The following PRKN variants were observed in gnomAD, a reference collection of about 807,000 sequenced individuals.
PRKN encodes parkin RBR E3 ubiquitin protein ligase, also known as E3 ubiquitin-protein ligase parkin.
PRKN carries 56 observed loss-of-function variants against 59.5 expected under a neutral mutation model. That is an observed-to-expected ratio of 0.94 (90% CI 0.76 to 1.18). The LOEUF (loss-of-function observed/expected upper bound fraction) is 1.18. Among genes scored for constraint, PRKN ranks in the 50% most tolerant of loss-of-function variants. PRKN has a pLI of 0.00. For synonymous variants in PRKN, 250 were observed against 222.1 expected (o/e 1.13, Z -1.12); for missense variants, 657 against 596.4 (o/e 1.10, Z -1.06).
intron 6 of PRKN, among the ~76,000 whole-genome samples, chr6:161,915,436 G>C (rs1164756675): frequency 1.3e-5 from 2 of 152,038 alleles, no homozygotes; most frequent in Admixed American, 1.3e-4. Flanking sequence ...CACTTACTTT[G>C]ATACATTTTT....
intron 2 of PRKN, among the ~76,000 whole-genome samples, chr6:162,267,020 A>G (rs534316113): frequency 6.6e-6 from 1 of 152,328 alleles, no homozygotes; most frequent in African/African-American, 2.4e-5. Context: ...ATATAGCCAG[A>G]TGCCATGAAA....
chr6:162,409,349 G>T (rs1788235575), intron 2 of PRKN, among the ~76,000 whole-genome samples: 1 of 151,714 alleles, frequency 6.6e-6, no homozygotes, highest in Non-Finnish European at 1.5e-5. Flanking sequence ...TTGAGAGGGG[G>T]TCTCACTATG....
intron 5 of PRKN, among the ~76,000 whole-genome samples, chr6:161,986,718 C>CTGT (rs143532541): frequency 0.029 from 4,372 of 152,132 alleles, 217 homozygotes; most frequent in African/African-American, 0.099. Flanking sequence ...TTTACTGCTG[C>CTGT]TGTTGAATCC....
In PRKN at chr6:161,518,672, C is replaced by T. The variant is rs969279347; in HGVS notation, c.1083+30182G>A. ...CCCAGCCCCCTAGTGAGGTGAACCA[C>T]GGCTCCTGTCCAGGGGCCCATTGCA... On this transcript the variant is annotated intron_variant, in intron 9 of 11. Coordinates refer to ENST00000366898, the MANE Select transcript of PRKN (RefSeq NM_004562.3). This position sits in a 1 kb window ranked among gnomAD's most constrained non-coding sequence, Gnocchi z 5.0. Among the ~76,000 whole-genome samples the T allele has an allele frequency of 5.9e-5, 9 of 152,206 alleles. 1 individual carries two copies. The highest frequency in any genetic ancestry group is 2.1e-4 in the South Asian group (1 of 4,830).
chr6:162,054,165 A>C lies in PRKN; in HGVS notation c.544T>G (p.Cys182Gly). ...ATLTLTQGPS[C>G]WDDVLIPNRM... ...TTTGGAATTAAAACATCATCCCAGC[A>C]AGATGGACCCTTTGGGAAAAAACAA... Residue 182 changes from cysteine to glycine, a missense_variant, in exon 5 of 12, where the codon TGC (cysteine) becomes GGC (glycine). Transcript: ENST00000366898. 1 of 1,611,170 alleles carries C rather than the reference A, an allele frequency of 6.2e-7. No individual in the cohort carries two copies. Among genetic ancestry groups the C allele is most frequent in the Non-Finnish European group, 8.5e-7 (1 of 1,177,290 alleles).
At chr6:162,598,785 G>A (rs1217715425) in intron 1 of PRKN, among the ~76,000 whole-genome samples, 2 of 147,154 alleles carry the variant, frequency 1.4e-5, no homozygotes, top group African/African-American at 2.5e-5. Flanking sequence ...CCGTGGAGAC[G>A]GAAGTTGCAG....
chr6:161,777,687 T>C (rs1789988675), intron 7 of PRKN, among the ~76,000 whole-genome samples: 1 of 143,116 alleles, frequency 7.0e-6, no homozygotes, highest in Non-Finnish European at 1.5e-5. Context: ...ATATATAATA[T>C]ATATATACAC....
At chr6:161,822,876 T>C (rs1336473109) in intron 6 of PRKN, among the ~76,000 whole-genome samples, 1 of 152,218 alleles carries the variant, frequency 6.6e-6, no homozygotes, top group African/African-American at 2.4e-5. Context: ...TTGTATCCTT[T>C]GCCAATTTTT....
chr6:162,501,508 T>C (rs944945567), intron 1 of PRKN, among the ~76,000 whole-genome samples: 1 of 130,124 alleles, frequency 7.7e-6, no homozygotes, highest in Non-Finnish European at 1.7e-5. Flanking sequence ...CCACCACGCC[T>C]GGTTAATTTT....
intron 7 of PRKN, among the ~76,000 whole-genome samples, chr6:161,570,763 A>G (rs1426069469): frequency 6.6e-6 from 1 of 152,206 alleles, no homozygotes; most frequent in Non-Finnish European, 1.5e-5. Context: ...TGGGTGAGTC[A>G]AAAGTTCCAC....
At chr6:162,485,737 G>A (rs1436878440) in intron 1 of PRKN, among the ~76,000 whole-genome samples, 1 of 152,042 alleles carries the variant, frequency 6.6e-6, no homozygotes. Flanking sequence ...CTACCCTTTG[G>A]AGCAACCTGT....
intron 1 of PRKN, among the ~76,000 whole-genome samples, chr6:162,586,139 C>T (rs1440903660): frequency 6.6e-6 from 1 of 152,134 alleles, no homozygotes; most frequent in African/African-American, 2.4e-5. Context: ...GATTCACCCC[C>T]ATTTAGCCTG....
At chr6:162,374,986 AAC>A (rs1326242949) in intron 2 of PRKN, among the ~76,000 whole-genome samples, 2 of 152,150 alleles carry the variant, frequency 1.3e-5, no homozygotes, top group Admixed American at 1.3e-4. Flanking sequence ...TTCATAACAA[AAC>A]AGATTCTTTT....
intron 7 of PRKN, among the ~76,000 whole-genome samples, chr6:161,637,170 T>A (rs1274888295): frequency 6.6e-6 from 1 of 151,962 alleles, no homozygotes; most frequent in Non-Finnish European, 1.5e-5. Flanking sequence ...GGATCTGAGG[T>A]TTTTCTAAGG....
intron 1 of PRKN, among the ~76,000 whole-genome samples, chr6:162,472,865 A>G (rs1791827794): frequency 6.6e-6 from 1 of 150,752 alleles, no homozygotes; most frequent in South Asian, 2.1e-4. Context: ...AGAACAAGGT[A>G]GAATTCAACA....
chr6:161,599,348 A>G (rs1782027384), intron 7 of PRKN, among the ~76,000 whole-genome samples: 1 of 152,228 alleles, frequency 6.6e-6, no homozygotes, highest in Non-Finnish European at 1.5e-5. Flanking sequence ...TGACACTCAG[A>G]TGGGAGGAGA....
intron 9 of PRKN, among the ~76,000 whole-genome samples, chr6:161,403,548 T>C (rs554256082): frequency 6.6e-6 from 1 of 152,310 alleles, no homozygotes; most frequent in African/African-American, 2.4e-5. Flanking sequence ...TGCTTCTCTC[T>C]GGCAGTGCAG....
intron 4 of PRKN, among the ~76,000 whole-genome samples, chr6:162,158,549 A>G (rs2128315869): frequency 6.6e-6 from 1 of 151,816 alleles, no homozygotes; most frequent in Non-Finnish European, 1.5e-5. Flanking sequence ...CTCCTGCCTC[A>G]TCCTCCAGAG....
intron 4 of PRKN, among the ~76,000 whole-genome samples, chr6:162,124,722 G>T (rs1781054104): frequency 6.6e-6 from 1 of 152,098 alleles, no homozygotes; most frequent in Non-Finnish European, 1.5e-5. Context: ...ATAAAGACTT[G>T]AGGAGAATCT....
Sources: gnomAD v4.1 joint callset for allele counts (sites outside exome capture counted in the v4.1 genomes callset) on GRCh38, gnomAD v4.1.1 for gene constraint, Gnocchi (gnomAD v3.1) non-coding constraint, MANE v1.5 for transcripts, NCBI Gene and HGNC (gene_info 2026-07-23, HGNC 2026-07-21) for gene names.